Variants in MTMR9 observed in about 807,000 individuals in gnomAD.
MTMR9 encodes the protein myotubularin related protein 9, also known as myotubularin-related protein 9.
In MTMR9, 39 loss-of-function variants were observed where a neutral mutation model predicts 69.5. The ratio of observed to expected loss-of-function variants is 0.56; its 90% confidence interval spans 0.43 to 0.73. The LOEUF is 0.73. Among genes scored for constraint, MTMR9 ranks in the 30% least tolerant of loss-of-function variants. The pLI is 0.00. For synonymous variants in MTMR9, 354 were observed against 240.8 expected, an observed-to-expected ratio of 1.47 and a Z score of -4.35; for missense variants, 900 against 671.2, an observed-to-expected ratio of 1.34 and a Z score of -3.77.
chr8:11,285,844 A>G (rs1207747085), intron 1 of MTMR9, among the ~76,000 whole-genome samples: 1 of 152,186 alleles, frequency 6.6e-6, no homozygotes, highest in African/African-American at 2.4e-5. Context: ...ACAGAAGTAT[A>G]AATGAATGAC....
chr8:11,316,655 C>A lies in MTMR9; in HGVS notation c.1114-18C>A. ...ATCTCACCAGGATATGACTGTCACGCCTCCATCTTCCCCCTAGGCTGGTCA... is the reference window on the plus strand; with the variant it reads ...ATCTCACCAGGATATGACTGTCACGACTCCATCTTCCCCCTAGGCTGGTCA... On this transcript the variant is annotated intron_variant, in intron 7 of 9. Transcript: ENST00000221086. 2 of 1,553,642 alleles carry A rather than the reference C, an allele frequency of 1.3e-6. No individual in the cohort carries two copies. The highest frequency in any genetic ancestry group is 1.2e-5 in the South Asian group (1 of 82,432).
At chr8:11,289,628 C>G (rs1461903096) in intron 1 of MTMR9, among the ~76,000 whole-genome samples, 1 of 152,102 alleles carries the variant, frequency 6.6e-6, no homozygotes, top group Non-Finnish European at 1.5e-5. Context: ...CCTGCCTCAT[C>G]CACAATCCCT....
intron 8 of MTMR9, chr8:11,319,354 T>C (rs896067974): frequency 5.6e-6 from 1 of 177,904 alleles, no homozygotes; most frequent in Non-Finnish European, 1.2e-5. Context: ...TTAATTAAAA[T>C]AGAATCCCAA....
chr8:11,314,974 C>T lies in MTMR9; in HGVS notation c.1023C>T (p.Leu341=), dbSNP rs201393155. 2 of 1,614,026 alleles carry T rather than the reference C, an allele frequency of 1.2e-6. No individual in the cohort carries two copies. The highest frequency in any genetic ancestry group is 1.7e-6 in the Non-Finnish European group (2 of 1,179,926). The change falls in exon 7 of 10, where the codon CTC becomes CTT. Residue 341 remains leucine, a synonymous_variant. Coordinates refer to ENST00000221086, the MANE Select transcript of MTMR9 (RefSeq NM_015458.4). ...IHGTEGTDST[L]QVTSLAQIIL... ...GAACAGAAGGAACTGATTCCACACT[C>T]CAGGTGACCTCCTTGGCCCAGATCA... is the stretch of plus-strand genomic sequence containing the variant.
Position 11,309,662 on chromosome 8 carries a change from C to T in MTMR9, c.945C>T (p.Ala315=). The T allele has an allele frequency of 1.2e-6, 2 of 1,613,950 alleles. No individual in the cohort carries two copies. The highest frequency in any genetic ancestry group is 1.7e-6 in the Non-Finnish European group (2 of 1,179,890). The change falls in exon 6 of 10, where the codon GCC becomes GCT. Residue 315 remains alanine, a synonymous_variant. Transcript: ENST00000221086. The part of the protein sequence containing the change: ...LTHIKEILTT[A]CLAAQCIDRE... The stretch of plus-strand genomic sequence containing the variant: ...ACATCAAAGAGATTCTGACAACTGC[C>T]TGCCTAGCGGCTCAGTGCATCGACA...
intron 9 of MTMR9, chr8:11,320,870 T>C (rs956896499): frequency 2.0e-5 from 3 of 152,394 alleles, no homozygotes; most frequent in African/African-American, 7.2e-5. Flanking sequence ...ATGTTTATGT[T>C]TAATAGCATA....
At position 11,300,008 on chromosome 8, in the gene MTMR9, T is replaced by C. The variant is rs375501193; in HGVS notation, c.292-15T>C. 5.0e-6 allele frequency: 8 copies of C among 1,600,226 alleles called. No homozygotes were observed. The highest frequency in any genetic ancestry group is 6.8e-6 in the Non-Finnish European group (8 of 1,175,772). On this transcript the variant is annotated splice_polypyrimidine_tract_variant and intron_variant, in intron 2 of 9. Transcript: ENST00000221086. Reference sequence around the variant, plus strand: ...GGATGTTTCTTTTTTGTCTTTCTTTTCTTTTTGCCCCCAGGCATTGTCTAC... The same window carrying C: ...GGATGTTTCTTTTTTGTCTTTCTTTCCTTTTTGCCCCCAGGCATTGTCTAC...
chr8:11,320,680 C>A (rs1466063145), intron 9 of MTMR9: 1 of 152,172 alleles, frequency 6.6e-6, no homozygotes, highest in Non-Finnish European at 1.5e-5. Context: ...TTGCAGTGAG[C>A]AGAGATGATG....
downstream of MTMR9, chr8:11,331,728 C>G (rs781131283): frequency 3.7e-6 from 6 of 1,611,842 alleles, no homozygotes; most frequent in African/African-American, 5.3e-5. Context: ...CCTGGGGCTT[C>G]TGGTCTATCG....
In MTMR9 at chr8:11,292,817, G is replaced by A. The variant is rs181329101; in HGVS notation, c.183-2377G>A. 3.1e-4 allele frequency among the ~76,000 whole-genome samples: 47 copies of A among 152,250 alleles called. 1 individual carries two copies. The highest frequency in any genetic ancestry group is 1.5e-4 in the Non-Finnish European group (10 of 68,002). ...TGAAAAGTTTCTCTTGCCCAGTGAC[G>A]TTGTGTTTGTGGTGATGCCAGTATA... On this transcript the variant is annotated intron_variant, in intron 1 of 9. Coordinates refer to ENST00000221086, the MANE Select transcript of MTMR9 (RefSeq NM_015458.4).
chr8:11,322,410 C>T (rs536494356), intron 9 of MTMR9, among the ~76,000 whole-genome samples: 1 of 152,316 alleles, frequency 6.6e-6, no homozygotes, highest in East Asian at 1.9e-4. Flanking sequence ...CATGTACATA[C>T]AAGTAGTGAC....
In MTMR9 at chr8:11,325,380, G is replaced by C. The variant is rs889998749; in HGVS notation, c.*2592G>C. The C allele has an allele frequency of 1.3e-5, 2 of 152,210 alleles. No homozygotes were observed. Among genetic ancestry groups the C allele is most frequent in the African/African-American group, 4.8e-5 (2 of 41,448 alleles). The allele number at this position is 152,210 out of a possible 1,614,324, so 9.4% of individuals were successfully genotyped here. ...AAGACACTCGTTAAACATTGCATCGGAGAGCTGCCTTTGATAAATGTGCTG... is the reference window on the plus strand; with the variant it reads ...AAGACACTCGTTAAACATTGCATCGCAGAGCTGCCTTTGATAAATGTGCTG... On this transcript the variant is annotated 3_prime_UTR_variant, in exon 10 of 10. Transcript: ENST00000221086.
downstream of MTMR9, chr8:11,331,899 G>A (rs541045541): frequency 5.5e-5 from 88 of 1,612,040 alleles, 2 homozygotes; most frequent in South Asian, 9.0e-4. Context: ...CCTCGCCTTG[G>A]TCTCCTTCAC....
At chr8:11,303,264 C>T (rs1335696306) in intron 3 of MTMR9, among the ~76,000 whole-genome samples, 2 of 150,450 alleles carry the variant, frequency 1.3e-5, no homozygotes, top group Non-Finnish European at 2.9e-5. Flanking sequence ...GAGCACAGTA[C>T]ATTTGGACCA....
chr8:11,314,829 A>C, intron 6 of MTMR9, 94 bp from the exon 7 acceptor site: 2 of 1,252,212 alleles, frequency 1.6e-6, no homozygotes, highest in South Asian at 1.3e-5. Flanking sequence ...TCAGTAGACT[A>C]AAATGTTGTG....
At chr8:11,333,793 A>G in the MTMR9 span, among the ~76,000 whole-genome samples, 1 of 152,226 alleles carries the variant, frequency 6.6e-6, no homozygotes, top group African/African-American at 2.4e-5. Context: ...AGTAACTCAA[A>G]CCTGAGTGAA....
chr8:11,293,732 A>G (rs1431259765), intron 1 of MTMR9, among the ~76,000 whole-genome samples: 1 of 151,056 alleles, frequency 6.6e-6, no homozygotes, highest in Non-Finnish European at 1.5e-5. Flanking sequence ...TAGTTTTTGT[A>G]TATGGTTCAT....
chr8:11,323,019 C>T lies in MTMR9; in HGVS notation c.*231C>T. 1 of 343,902 alleles carries T rather than the reference C, an allele frequency of 2.9e-6. No homozygotes were observed. The highest frequency in any genetic ancestry group is 5.0e-5 in the East Asian group (1 of 20,126). 21.3% of individuals were successfully genotyped at this position (343,902 alleles called of 1,614,324 possible). On this transcript the variant is annotated 3_prime_UTR_variant, in exon 10 of 10. Coordinates refer to ENST00000221086, the MANE Select transcript of MTMR9 (RefSeq NM_015458.4). ...TCACTTTGGGAGCCGGAAGGAGGTG[C>T]TAGTCATTTTATTTTTACGTGAAAT...
Position 11,309,743 on chromosome 8 carries a change from G to T in MTMR9, c.971+55G>T, listed in dbSNP as rs1036483924. 7.0e-6 allele frequency: 11 copies of T among 1,580,364 alleles called. No homozygotes were observed. In the Admixed American group the frequency reaches 7.0e-5, roughly 10 times the overall value. ...AACATGGCGCTGCTAACTAGACTTT[G>T]TGTTTATCCAGACATATGTTTATAG... On this transcript the variant is annotated intron_variant, in intron 6 of 9. Transcript: ENST00000221086.
Sources: gnomAD v4.1 joint callset for allele counts (sites outside exome capture counted in the v4.1 genomes callset) on GRCh38, gnomAD v4.1.1 for gene constraint, MANE v1.5 for transcripts, NCBI Gene and HGNC (gene_info 2026-07-23, HGNC 2026-07-21) for gene names.